The following RAD51B variants were observed in gnomAD, a reference collection of about 807,000 sequenced individuals.
RAD51B encodes the protein DNA repair protein RAD51 homolog 2.
RAD51B carries 38 observed loss-of-function variants against 42.2 expected under a neutral mutation model. That is an observed-to-expected ratio of 0.90 (90% confidence interval 0.70 to 1.18). RAD51B has a LOEUF of 1.18. RAD51B is among the 50% of genes most tolerant of loss of function. RAD51B has a pLI of 0.00. For synonymous variants in RAD51B, 154 were observed against 145.2 expected (o/e 1.06, Z -0.43); for missense variants, 373 against 400.7 (o/e 0.93, Z 0.59).
At chr14:68,435,327 C>T (rs891436505) in intron 9 of RAD51B, among the ~76,000 whole-genome samples, 2 of 152,160 alleles carry the variant, frequency 1.3e-5, no homozygotes, top group African/African-American at 4.8e-5. Context: ...TGGCCTCCAG[C>T]TGCATCCATG....
At chr14:68,098,792 G>T (rs2077240430) in intron 7 of RAD51B, among the ~76,000 whole-genome samples, 1 of 152,170 alleles carries the variant, frequency 6.6e-6, no homozygotes, top group East Asian at 1.9e-4. Context: ...AATAAAGAGG[G>T]ATAAGGAAAT....
At chr14:68,013,807 G>A (rs1474602157) in intron 7 of RAD51B, among the ~76,000 whole-genome samples, 2 of 152,126 alleles carry the variant, frequency 1.3e-5, no homozygotes, top group African/African-American at 2.4e-5. Flanking sequence ...ATTAAGTAAT[G>A]TCTTAAATAA....
intron 7 of RAD51B, among the ~76,000 whole-genome samples, chr14:68,028,868 G>A (rs905192037): frequency 6.6e-6 from 1 of 152,206 alleles, no homozygotes; most frequent in Non-Finnish European, 1.5e-5. Context: ...GGAGATGGGT[G>A]TCTATGGCTG....
At chr14:67,934,198 CTG>C (rs1234060849) in intron 7 of RAD51B, among the ~76,000 whole-genome samples, 4 of 152,150 alleles carry the variant, frequency 2.6e-5, no homozygotes, top group South Asian at 2.1e-4. Context: ...AATTAGAAAA[CTG>C]TGAATACTCC....
intron 7 of RAD51B, among the ~76,000 whole-genome samples, chr14:68,112,939 A>G (rs938203539): frequency 1.3e-5 from 2 of 152,098 alleles, no homozygotes; most frequent in Non-Finnish European, 2.9e-5. Context: ...GTTTTCCCTA[A>G]ATTACAAAAA....
chr14:68,346,293 G>A (rs1229555608), intron 8 of RAD51B, among the ~76,000 whole-genome samples: 1 of 152,132 alleles, frequency 6.6e-6, no homozygotes, highest in African/African-American at 2.4e-5. Flanking sequence ...TGATTTCCTA[G>A]CCTAGAATAT....
chr14:68,271,773 A>G (rs2139587343), intron 7 of RAD51B, among the ~76,000 whole-genome samples: 1 of 152,378 alleles, frequency 6.6e-6, no homozygotes, highest in South Asian at 2.1e-4. Context: ...CAAGGGACTA[A>G]TTAATTGAAG....
In RAD51B at chr14:68,604,981, T is replaced by C. The variant is rs568725949; in HGVS notation, c.1037-6025T>C. ...CATTTCCTTCATATAACTGCTGGCA[T>C]CAAGCCAGCAACCTTGTGGCTCCTC... On this transcript the variant is annotated intron_variant, in intron 10 of 10. Coordinates refer to the RAD51B transcript ENST00000487861. 1.2e-4 allele frequency among the ~76,000 whole-genome samples: 19 copies of C among 152,292 alleles called. 1 individual carries two copies. The South Asian group carries it at 3.9e-3, about 32-fold the overall frequency.
At chr14:68,357,384 T>C (rs1383887184) in intron 8 of RAD51B, among the ~76,000 whole-genome samples, 2 of 152,156 alleles carry the variant, frequency 1.3e-5, no homozygotes, top group Non-Finnish European at 2.9e-5. Flanking sequence ...CAATGAAGTC[T>C]TGAACCCCTC....
rs374899487 is a variant in RAD51B at position 68,097,793 on chromosome 14, A to G, written c.757-194091A>G. ...AAATGTTATTCTTAAAATGCAAATCATTCTTAAAATGATATACAAACACAC... is the reference window on the plus strand; with the variant it reads ...AAATGTTATTCTTAAAATGCAAATCGTTCTTAAAATGATATACAAACACAC... On this transcript the variant is annotated intron_variant, in intron 7 of 10. Transcript: ENST00000471583. Among the ~76,000 whole-genome samples the G allele has an allele frequency of 4.7e-4, 71 of 152,338 alleles. 1 individual carries two copies. In the South Asian group the frequency reaches 0.014, roughly 29 times the overall value.
At chr14:67,874,714 G>A (rs1595045429) in intron 5 of RAD51B, among the ~76,000 whole-genome samples, 1 of 151,852 alleles carries the variant, frequency 6.6e-6, no homozygotes, top group East Asian at 1.9e-4. Flanking sequence ...ATCTCATATA[G>A]TCTTAGGCAC....
At chr14:68,504,687 T>G (rs1248664876) in intron 10 of RAD51B, among the ~76,000 whole-genome samples, 1 of 110,244 alleles carries the variant, frequency 9.1e-6, no homozygotes, top group Non-Finnish European at 2.0e-5. Flanking sequence ...TTTTTTTTTT[T>G]GCTAGTTCAT....
intron 10 of RAD51B, chr14:68,563,683 C>T: frequency 1.0e-6 from 1 of 985,430 alleles, no homozygotes; most frequent in Non-Finnish European, 1.2e-6. Context: ...AACCAAAATT[C>T]CCAGATTGCT....
At chr14:68,013,939 T>A (rs892895496) in intron 7 of RAD51B, among the ~76,000 whole-genome samples, 2 of 152,186 alleles carry the variant, frequency 1.3e-5, no homozygotes. Flanking sequence ...AAATATTTTA[T>A]TTGATAATAA....
intron 7 of RAD51B, among the ~76,000 whole-genome samples, chr14:68,278,048 C>T (rs1286770178): frequency 1.3e-5 from 2 of 152,144 alleles, no homozygotes; most frequent in African/African-American, 2.4e-5. Context: ...CAGCCAGAGG[C>T]GTGCTGTGTT....
chr14:68,480,310 C>A (rs1181255363), downstream of RAD51B, among the ~76,000 whole-genome samples: 1 of 152,208 alleles, frequency 6.6e-6, no homozygotes, highest in Admixed American at 6.5e-5. Flanking sequence ...CTCCTGTCCT[C>A]AGGAGATCTG....
At chr14:68,579,470 G>A (rs140263851) in intron 10 of RAD51B, among the ~76,000 whole-genome samples, 2 of 152,170 alleles carry the variant, frequency 1.3e-5, no homozygotes, top group Non-Finnish European at 2.9e-5. Context: ...TGAGGATAGA[G>A]TGCCAGATGT....
At chr14:68,279,712 A>T in intron 7 of RAD51B, among the ~76,000 whole-genome samples, 1 of 152,240 alleles carries the variant, frequency 6.6e-6, no homozygotes, top group African/African-American at 2.4e-5. Flanking sequence ...GTACAGAGCA[A>T]CCCATCCGAA....
chr14:68,440,099 A>T (rs1372641259), intron 9 of RAD51B, among the ~76,000 whole-genome samples: 2 of 152,230 alleles, frequency 1.3e-5, no homozygotes, highest in African/African-American at 4.8e-5. Flanking sequence ...AGAGACTCCT[A>T]TAACCCTCTT....
Sources: gnomAD v4.1 joint callset for allele counts (sites outside exome capture counted in the v4.1 genomes callset) on GRCh38, gnomAD v4.1.1 for gene constraint, MANE v1.5 for transcripts, NCBI Gene and HGNC (gene_info 2026-07-23, HGNC 2026-07-21) for gene names.